Variants in GALNTL6 observed in about 807,000 individuals in gnomAD.
GALNTL6 encodes the protein polypeptide N-acetylgalactosaminyltransferase like 6, also known as polypeptide N-acetylgalactosaminyltransferase-like 6.
GALNTL6 carries 46 observed loss-of-function variants against 73.7 expected under a neutral mutation model. The observed-to-expected ratio is 0.62, with a 90% CI of 0.49 to 0.80. GALNTL6 has a LOEUF of 0.80. GALNTL6 is among the 30% of genes least tolerant of loss of function. GALNTL6 has a pLI of 0.00. For synonymous variants in GALNTL6, 259 were observed against 263.7 expected, an observed-to-expected ratio of 0.98 and a Z score of 0.17; for missense variants, 604 against 755.0, an observed-to-expected ratio of 0.80 and a Z score of 2.34.
At chr4:172,493,902 GACAAATATTC>G (rs1470633084) in intron 5 of GALNTL6, among the ~76,000 whole-genome samples, 4 of 152,042 alleles carry the variant, frequency 2.6e-5, no homozygotes, top group Non-Finnish European at 4.4e-5. Context: ...CAATCCTCTT[GACAAATATTC>G]ACTCTCCTTT....
At chr4:172,930,596 A>G (rs576732798) in intron 8 of GALNTL6, among the ~76,000 whole-genome samples, 33 of 152,230 alleles carry the variant, frequency 2.2e-4, no homozygotes, top group Non-Finnish European at 4.1e-4. Context: ...GGTTCAATAC[A>G]ATATTTGTAA....
intron 5 of GALNTL6, among the ~76,000 whole-genome samples, chr4:172,735,375 C>A (rs1006347332): frequency 6.6e-6 from 1 of 152,106 alleles, no homozygotes; most frequent in African/African-American, 2.4e-5. Context: ...TTGTATGGGG[C>A]CTGTAACCCC....
chr4:172,790,131 G>A (rs1739912249), intron 5 of GALNTL6, among the ~76,000 whole-genome samples: 1 of 152,214 alleles, frequency 6.6e-6, no homozygotes, highest in Admixed American at 6.5e-5. Flanking sequence ...GACAGGTGAA[G>A]GTTATTCATC....
intron 2 of GALNTL6, among the ~76,000 whole-genome samples, chr4:172,112,711 C>A (rs1732886586): frequency 6.6e-6 from 1 of 151,944 alleles, no homozygotes; most frequent in African/African-American, 2.4e-5. Context: ...GAAATTCTAA[C>A]ACCCATGACG....
intron 3 of GALNTL6, among the ~76,000 whole-genome samples, chr4:172,264,935 G>C (rs1191478054): frequency 2.0e-5 from 3 of 151,416 alleles, no homozygotes; most frequent in Non-Finnish European, 2.9e-5. Flanking sequence ...AGAGATGGAG[G>C]CTACAACTCT....
intron 5 of GALNTL6, among the ~76,000 whole-genome samples, chr4:172,605,494 A>G (rs112645923): frequency 0.031 from 4,734 of 152,226 alleles, 113 homozygotes; most frequent in South Asian, 0.088. Flanking sequence ...ATAATAAAAG[A>G]TAACAACAAA....
chr4:172,878,841 A>G (rs1745316196), intron 7 of GALNTL6, among the ~76,000 whole-genome samples: 1 of 151,842 alleles, frequency 6.6e-6, no homozygotes, highest in Non-Finnish European at 1.5e-5. Flanking sequence ...AGATGCAAGT[A>G]TATGTTACCT....
At chr4:171,912,266 A>G (rs1051150045) in intron 2 of GALNTL6, among the ~76,000 whole-genome samples, 2 of 152,088 alleles carry the variant, frequency 1.3e-5, no homozygotes, top group African/African-American at 4.8e-5. Flanking sequence ...GTAAAATTAT[A>G]TTTGTCAGAT....
chr4:172,258,948 A>G (rs538579501), intron 3 of GALNTL6, among the ~76,000 whole-genome samples: 1 of 151,486 alleles, frequency 6.6e-6, no homozygotes, highest in African/African-American at 2.4e-5. Context: ...ATGACTGAAT[A>G]GTATTCCATC....
chr4:172,458,170 A>G (rs1171360240), intron 5 of GALNTL6, among the ~76,000 whole-genome samples: 2 of 152,108 alleles, frequency 1.3e-5, no homozygotes, highest in Admixed American at 6.6e-5. Flanking sequence ...CTTTGAAACC[A>G]ATGAGAACAA....
At chr4:172,984,969 A>AC (rs796841818) in intron 10 of GALNTL6, among the ~76,000 whole-genome samples, 20 of 152,048 alleles carry the variant, frequency 1.3e-4, no homozygotes, top group African/African-American at 4.3e-4. Context: ...AAGAACCTGT[A>AC]CCCCCCAAAA....
intron 2 of GALNTL6, among the ~76,000 whole-genome samples, chr4:171,990,460 G>A (rs1740301535): frequency 6.6e-6 from 1 of 151,860 alleles, no homozygotes; most frequent in Non-Finnish European, 1.5e-5. Flanking sequence ...GGGTTTCAGA[G>A]GTGCCTTCTT....
At chr4:172,373,993 C>T (rs903064167) in intron 5 of GALNTL6, among the ~76,000 whole-genome samples, 2 of 152,130 alleles carry the variant, frequency 1.3e-5, no homozygotes, top group Non-Finnish European at 2.9e-5. Context: ...CTGGCGCTTG[C>T]CCTGGGCACC....
intron 7 of GALNTL6, among the ~76,000 whole-genome samples, chr4:172,827,567 C>G (rs138587286): frequency 6.6e-6 from 1 of 152,288 alleles, no homozygotes; most frequent in Non-Finnish European, 1.5e-5. Flanking sequence ...CTCCACCCAC[C>G]ACAATCCATT....
chr4:172,361,277 G>T (rs1291707016), intron 5 of GALNTL6, among the ~76,000 whole-genome samples: 1 of 141,654 alleles, frequency 7.1e-6, no homozygotes, highest in Non-Finnish European at 1.5e-5. Flanking sequence ...GATCAAGAAT[G>T]TGTCTTATTA....
At chr4:172,001,684 C>T (rs948458939) in intron 2 of GALNTL6, among the ~76,000 whole-genome samples, 2 of 152,082 alleles carry the variant, frequency 1.3e-5, no homozygotes, top group African/African-American at 4.8e-5. Flanking sequence ...TTCAGTAAGT[C>T]CGCTCTATGC....
At chr4:172,244,697 A>G (rs1212102061) in intron 3 of GALNTL6, among the ~76,000 whole-genome samples, 1 of 152,134 alleles carries the variant, frequency 6.6e-6, no homozygotes, top group Non-Finnish European at 1.5e-5. Context: ...AGCAACTAGC[A>G]TATGTTTTCT....
At chr4:172,364,619 T>C (rs1742490866) in intron 5 of GALNTL6, among the ~76,000 whole-genome samples, 1 of 152,202 alleles carries the variant, frequency 6.6e-6, no homozygotes, top group Admixed American at 6.6e-5. Flanking sequence ...ACACTGAGTG[T>C]CAGTAGCAGA....
intron 5 of GALNTL6, among the ~76,000 whole-genome samples, chr4:172,764,386 C>G (rs565097956): frequency 6.6e-6 from 1 of 152,032 alleles, no homozygotes; most frequent in African/African-American, 2.4e-5. Context: ...TTTGTTTTTG[C>G]CTTTGTCTAA....
Sources: gnomAD v4.1 joint callset for allele counts (sites outside exome capture counted in the v4.1 genomes callset) on GRCh38, gnomAD v4.1.1 for gene constraint, MANE v1.5 for transcripts, NCBI Gene and HGNC (gene_info 2026-07-23, HGNC 2026-07-21) for gene names.